The following CDHR3 variants were observed in gnomAD, a reference collection of about 807,000 sequenced individuals.
CDHR3 encodes cadherin-related family member 3.
In CDHR3, 79 loss-of-function variants were observed where a neutral mutation model predicts 86.6. That is an observed-to-expected ratio of 0.91 (90% CI 0.76 to 1.10). The LOEUF (loss-of-function observed/expected upper bound fraction) is 1.10, where lower values mean the gene tolerates loss of function less well. Ranked by LOEUF, CDHR3 falls within the 50% of genes least tolerant of loss-of-function variation. The pLI, the probability that CDHR3 is intolerant of heterozygous loss-of-function variation, is 0.00. For synonymous variants in CDHR3, 421 were observed against 402.4 expected, an observed-to-expected ratio of 1.05 and a Z score of -0.55; for missense variants, 1,081 against 1,077.6, an observed-to-expected ratio of 1.00 and a Z score of -0.04.
At chr7:105,981,322 G>C (rs1435629811) in intron 3 of CDHR3, among the ~76,000 whole-genome samples, 189 bp downstream of exon 3, 2 of 152,196 alleles carry the variant, frequency 1.3e-5, no homozygotes, top group Non-Finnish European at 2.9e-5. Flanking sequence ...CCAACAGTTT[G>C]CAAAGCCCTT....
intron 11 of CDHR3, among the ~76,000 whole-genome samples, chr7:106,016,500 T>A (rs2115858186): frequency 6.6e-6 from 1 of 152,306 alleles, no homozygotes; most frequent in East Asian, 1.9e-4. Flanking sequence ...TACAACACCC[T>A]GCTTTTTGCA....
intron 13 of CDHR3, 21 bp from the exon 14 acceptor site, chr7:106,022,177 C>T: frequency 6.2e-7 from 1 of 1,613,314 alleles, no homozygotes; most frequent in East Asian, 2.2e-5. Context: ...TACCAACACC[C>T]CTGCATCAAA....
At chr7:106,026,873 G>T (rs55792668) in intron 16 of CDHR3, among the ~76,000 whole-genome samples, 178 bp downstream of exon 16, 9 of 152,262 alleles carry the variant, frequency 5.9e-5, no homozygotes, top group African/African-American at 1.2e-4. Flanking sequence ...TGGGAAGGGT[G>T]GGGGGACAGT....
intron 3 of CDHR3, among the ~76,000 whole-genome samples, chr7:105,982,616 T>C (rs925871184): frequency 2.0e-5 from 3 of 151,150 alleles, no homozygotes; most frequent in Non-Finnish European, 4.4e-5. Flanking sequence ...TGCAAATGCC[T>C]CAAACATGAC....
At chr7:106,011,697 G>A (rs1036362892) in intron 8 of CDHR3, among the ~76,000 whole-genome samples, 4 of 152,222 alleles carry the variant, frequency 2.6e-5, no homozygotes, top group Non-Finnish European at 5.9e-5. Context: ...ATAGATGGAG[G>A]AACTGAAACC....
At position 106,012,885 on chromosome 7, in the gene CDHR3, A is replaced by G; in HGVS notation, c.1078A>G (p.Lys360Glu). Residue 360 changes from lysine (K) to glutamate (E), a missense_variant, in exon 9 of 19, where the codon AAG (lysine) becomes GAG (glutamate). Transcript: ENST00000317716. ...CATTATGGTGCCGGAAAGAACAGCC[A>G]AGGGGACGTTGCTTCTTGACCTAAA... ...FSIMVPERTA[K>E]GTLLLDLNKF... 2 of 1,610,846 alleles carry G rather than the reference A, an allele frequency of 1.2e-6. No individual in the cohort carries two copies. Among genetic ancestry groups the G allele is most frequent in the Non-Finnish European group, 1.7e-6 (2 of 1,178,694 alleles).
Position 106,013,029 on chromosome 7 carries a change from G to A in CDHR3, c.1222G>A (p.Val408Met). The A allele has an allele frequency of 6.3e-7, 1 of 1,599,772 alleles. No individual in the cohort carries two copies. The highest frequency in any genetic ancestry group is 8.5e-7 in the Non-Finnish European group (1 of 1,173,830). Residue 408 changes from valine to methionine, a missense_variant and splice_region_variant, in exon 9 of 19, where the codon GTG becomes ATG. Transcript: ENST00000317716. ...GGATCCAGCTGGCTCTGGGAAGATT[G>A]TGGTCAGTTAATGGTCATTGCATCA... ...LQDPAGSGKI[V>M]LIGDLDYENP...
chr7:106,015,277 G>A (rs200144550), intron 10 of CDHR3, 64 bp downstream of exon 10: 41 of 1,389,090 alleles, frequency 3.0e-5, no homozygotes, highest in East Asian at 5.0e-5. Flanking sequence ...AAACTCTGCT[G>A]GGCAATACTA....
chr7:106,016,589 G>A (rs891767798), intron 11 of CDHR3, among the ~76,000 whole-genome samples: 24 of 152,052 alleles, frequency 1.6e-4, no homozygotes, highest in Non-Finnish European at 2.9e-4. Context: ...CTCTCAGTTT[G>A]AAGGTAATAC....
At chr7:106,026,545 C>G in intron 15 of CDHR3, 137 bp from the exon 16 acceptor site, 1 of 822,290 alleles carries the variant, frequency 1.2e-6, no homozygotes, top group Non-Finnish European at 2.1e-6. Flanking sequence ...TCTTTCTGGC[C>G]CCTATCCCTG....
chr7:106,018,127 T>C, intron 12 of CDHR3, 55 bp downstream of exon 12: 1 of 1,419,698 alleles, frequency 7.0e-7, no homozygotes, highest in Non-Finnish European at 9.8e-7. Context: ...ACTTAGGGTC[T>C]CTCTGGCACC....
At chr7:105,997,833 T>C (rs2115767717) in intron 6 of CDHR3, among the ~76,000 whole-genome samples, 1 of 152,226 alleles carries the variant, frequency 6.6e-6, no homozygotes, top group East Asian at 1.9e-4. Flanking sequence ...CTCGCTGGCG[T>C]GGGATGCACC....
chr7:106,022,507 A>G, intron 14 of CDHR3, 59 bp downstream of exon 14: 1 of 1,578,228 alleles, frequency 6.3e-7, no homozygotes, highest in Non-Finnish European at 8.6e-7. Context: ...ATGTTGATGG[A>G]CTTCTTTCCC....
At chr7:105,986,013 C>T (rs1007630725) in intron 4 of CDHR3, among the ~76,000 whole-genome samples, 7 of 152,164 alleles carry the variant, frequency 4.6e-5, no homozygotes, top group Admixed American at 4.6e-4. Context: ...TCCTCTTTTT[C>T]TCACCTCATG....
At chr7:105,997,004 G>A (rs1251742511) in intron 6 of CDHR3, among the ~76,000 whole-genome samples, 1 of 152,128 alleles carries the variant, frequency 6.6e-6, no homozygotes, top group Non-Finnish European at 1.5e-5. Flanking sequence ...ATGGGATTCT[G>A]AGCTAGTAGA....
intron 2 of CDHR3, among the ~76,000 whole-genome samples, chr7:105,976,396 G>A (rs1828817093): frequency 6.6e-6 from 1 of 152,180 alleles, no homozygotes; most frequent in African/African-American, 2.4e-5. Flanking sequence ...TAACTAAGCT[G>A]AGAATGGAAG....
At chr7:106,016,155 G>A (rs1835598615) in intron 11 of CDHR3, 130 bp downstream of exon 11, 2 of 611,784 alleles carry the variant, frequency 3.3e-6, no homozygotes, top group Non-Finnish European at 5.8e-6. Flanking sequence ...CAGCTGATTA[G>A]TATTTATTGC....
intron 16 of CDHR3, chr7:106,028,280 C>T (rs1324006706): frequency 2.3e-6 from 1 of 436,856 alleles, no homozygotes; most frequent in Non-Finnish European, 4.2e-6. Context: ...AGCCAGTTTT[C>T]TAGGTCCACT....
rs1423730940 is a variant in CDHR3 at position 106,022,563 on chromosome 7, A to G, written c.2076+115A>G. The G allele has an allele frequency of 5.5e-6, 8 of 1,458,616 alleles. No homozygotes were observed. The Admixed American group carries it at 1.1e-4, about 20-fold the overall frequency. The allele number at this position is 1,458,616 out of a possible 1,614,324, so 90.4% of individuals were successfully genotyped here. On this transcript the variant is annotated intron_variant, in intron 14 of 18. Coordinates refer to ENST00000317716, the MANE Select transcript of CDHR3 (RefSeq NM_152750.5). ...TGGACTGAAGAGTTGAGGTATTAGG[A>G]TGTTGCCAAAAATGGCAACCATGGG... is the stretch of plus-strand genomic sequence containing the variant.
Sources: allele counts gnomAD v4.1 joint callset (sites outside exome capture counted in the v4.1 genomes callset), GRCh38; gene constraint gnomAD v4.1.1; transcripts MANE v1.5; gene names NCBI Gene and HGNC (gene_info 2026-07-23, HGNC 2026-07-21).